Variants in MRPS6 observed in about 807,000 individuals in gnomAD.
The protein encoded by MRPS6 is small ribosomal subunit protein bS6m.
Under a neutral mutation model 13.1 loss-of-function variants are expected in MRPS6, and 6 were observed. That is an observed-to-expected ratio of 0.46 (90% CI 0.25 to 0.91). MRPS6 has a LOEUF of 0.91. MRPS6 is among the 40% of genes least tolerant of loss of function. The probability of loss-of-function intolerance (pLI) is 0.18; values close to 1 mark genes in which losing one functional copy is unlikely to be tolerated. For synonymous variants in MRPS6, 61 were observed against 56.5 expected (o/e 1.08, Z -0.36); for missense variants, 164 against 155.6 (o/e 1.05, Z -0.29).
Position 34,142,807 on chromosome 21 carries a change from C to T in MRPS6, c.*207C>T. The T allele has an allele frequency of 2.2e-6, 1 of 464,150 alleles. No individual in the cohort carries two copies. Among genetic ancestry groups the T allele is most frequent in the Non-Finnish European group, 3.6e-6 (1 of 274,016 alleles). 28.8% of individuals were successfully genotyped at this position (464,150 alleles called of 1,614,324 possible). ...GACAGCTTCTCTGTAACCTGCAGTA[C>T]CAGTGGATCGTTCTTGATTTTGTTT... On this transcript the variant is annotated 3_prime_UTR_variant, in exon 3 of 3. Coordinates refer to ENST00000399312, the MANE Select transcript of MRPS6 (RefSeq NM_032476.4).
intron 1 of MRPS6, chr21:34,099,987 A>T (rs1040535767): frequency 1.8e-6 from 1 of 561,826 alleles, no homozygotes; most frequent in Non-Finnish European, 2.3e-6. Flanking sequence ...ATGATCATAC[A>T]TGGACTGTCT....
At chr21:34,101,120 C>T in intron 1 of MRPS6, 1 of 999,964 alleles carries the variant, frequency 1.0e-6, no homozygotes, top group African/African-American at 1.7e-5. Flanking sequence ...ACAAAATTTT[C>T]CTAAGAAATC....
At chr21:34,132,978 G>T (rs62212134) in intron 2 of MRPS6, among the ~76,000 whole-genome samples, 8,391 of 152,224 alleles carry the variant, frequency 0.055, 275 homozygotes, top group Middle Eastern at 0.13. Flanking sequence ...AGGAGGCAAC[G>T]TGTAGGAAAC....
intron 1 of MRPS6, chr21:34,099,296 A>T (rs373251429): frequency 1.0e-6 from 1 of 1,000,242 alleles, no homozygotes. Flanking sequence ...GTCCAAGGTT[A>T]TGAAGTCTCT....
chr21:34,134,643 G>A (rs967084151), intron 2 of MRPS6, among the ~76,000 whole-genome samples: 7 of 151,952 alleles, frequency 4.6e-5, no homozygotes, highest in Non-Finnish European at 8.8e-5. Flanking sequence ...CTCCTCCTTC[G>A]ATTCCTTCCT....
At chr21:34,087,819 G>A (rs976411817) in intron 1 of MRPS6, among the ~76,000 whole-genome samples, 6 of 152,224 alleles carry the variant, frequency 3.9e-5, no homozygotes, top group African/African-American at 1.4e-4. Flanking sequence ...GAGATGGAAT[G>A]GTGATTTGAA....
At chr21:34,075,872 TCTAGGCTTATGAA>T (rs1427164378) in intron 1 of MRPS6, among the ~76,000 whole-genome samples, 3 of 152,202 alleles carry the variant, frequency 2.0e-5, no homozygotes. Context: ...AAAAGTTAAC[TCTAGGCTTATGAA>T]ATGAAAAATG....
intron 2 of MRPS6, among the ~76,000 whole-genome samples, chr21:34,139,008 T>TA (rs560437583): frequency 0.031 from 4,728 of 151,670 alleles, 200 homozygotes; most frequent in African/African-American, 0.093. Context: ...TATGCAGCCA[T>TA]AAAAATGATG....
intron 1 of MRPS6, among the ~76,000 whole-genome samples, chr21:34,119,232 G>A (rs1980035616): frequency 6.6e-6 from 1 of 152,142 alleles, no homozygotes; most frequent in African/African-American, 2.4e-5. Context: ...TATGTCATTA[G>A]GCAAGGCTGG....
rs1274869348 is a variant in MRPS6, at chr21:34,073,622, C to T, written c.-79C>T. On this transcript the variant is annotated 5_prime_UTR_variant, in exon 1 of 3. Coordinates refer to ENST00000399312, the MANE Select transcript of MRPS6 (RefSeq NM_032476.4). ...CGTCCGGCGCAGCAGTTTCTAGGTCCCCACTGTCCCCGCCGTCCCGCCCCT... is the reference window on the plus strand; with the variant it reads ...CGTCCGGCGCAGCAGTTTCTAGGTCTCCACTGTCCCCGCCGTCCCGCCCCT... The T allele has an allele frequency of 1.6e-5, 20 of 1,283,544 alleles. No individual in the cohort carries two copies. The highest frequency in any genetic ancestry group is 2.0e-5 in the Non-Finnish European group (19 of 927,742). The allele number at this position is 1,283,544 out of a possible 1,614,324, so 79.5% of individuals were successfully genotyped here. A position where few individuals can be genotyped will look rare whatever the true frequency, so the allele number is the denominator to read the frequency against.
At position 34,118,639 on chromosome 21, in the gene MRPS6, C is replaced by T. The variant is rs1288557124; in HGVS notation, c.46-6702C>T. Reference sequence around the variant, plus strand: ...AAGTAATTTTTGAGCCTCAGCCACCCGAGTAGTTGGGACTACAGGCATACA... The same window carrying T: ...AAGTAATTTTTGAGCCTCAGCCACCTGAGTAGTTGGGACTACAGGCATACA... On this transcript the variant is annotated intron_variant, in intron 1 of 2. Coordinates refer to ENST00000399312, the MANE Select transcript of MRPS6 (RefSeq NM_032476.4). 4.6e-5 allele frequency among the ~76,000 whole-genome samples: 7 copies of T among 151,392 alleles called. No homozygotes were observed. In the East Asian group the frequency reaches 5.8e-4, roughly 13 times the overall value.
rs1246549666 is a variant in MRPS6, at chr21:34,073,604, C to T, written c.-97C>T. The T allele has an allele frequency of 2.7e-6, 3 of 1,091,208 alleles. No individual in the cohort carries two copies. Among genetic ancestry groups the T allele is most frequent in the Non-Finnish European group, 3.9e-6 (3 of 768,784 alleles). The allele number at this position is 1,091,208 out of a possible 1,614,324, so 67.6% of individuals were successfully genotyped here. On this transcript the variant is annotated 5_prime_UTR_variant, in exon 1 of 3. Transcript: ENST00000399312. ...CTTTCGCCGCCTGGGAGCCGTCCGG[C>T]GCAGCAGTTTCTAGGTCCCCACTGT...
chr21:34,134,821 A>T (rs1052817222), intron 2 of MRPS6, among the ~76,000 whole-genome samples: 5 of 152,228 alleles, frequency 3.3e-5, no homozygotes, highest in Admixed American at 2.6e-4. Flanking sequence ...GTAAAATTAC[A>T]TGAGCTATTC....
At chr21:34,111,158 C>G (rs111744290) in intron 1 of MRPS6, among the ~76,000 whole-genome samples, 1 of 152,304 alleles carries the variant, frequency 6.6e-6, no homozygotes, top group African/African-American at 2.4e-5. Flanking sequence ...TGCATATCTA[C>G]AGATGACTGC....
chr21:34,094,494 A>T (rs1446478879), intron 1 of MRPS6, among the ~76,000 whole-genome samples: 2 of 152,230 alleles, frequency 1.3e-5, no homozygotes, highest in East Asian at 1.9e-4. Context: ...TATTACGAAT[A>T]TAATTAGTGT....
chr21:34,102,645 G>C, intron 1 of MRPS6: 1 of 1,000,096 alleles, frequency 1.0e-6, no homozygotes, highest in Non-Finnish European at 1.2e-6. Context: ...TGGTTACCTG[G>C]GTTCACAGCT....
At position 34,085,008 on chromosome 21, in the gene MRPS6, A is replaced by G. The variant is rs1328759477; in HGVS notation, c.45+11263A>G. On this transcript the variant is annotated intron_variant, in intron 1 of 2. Coordinates refer to ENST00000399312, the MANE Select transcript of MRPS6 (RefSeq NM_032476.4). ...TAAGGGCCTTCCTCCTAACCACAAC[A>G]TAGTCATCACATTCAAAACGGACAT... 2.6e-5 allele frequency among the ~76,000 whole-genome samples: 4 copies of G among 152,324 alleles called. No homozygotes were observed. The South Asian group carries it at 6.2e-4, about 24-fold the overall frequency.
chr21:34,117,867 G>A (rs1024298789), intron 1 of MRPS6, among the ~76,000 whole-genome samples: 6 of 152,022 alleles, frequency 3.9e-5, no homozygotes, highest in South Asian at 2.1e-4. Context: ...ATAAAGATGC[G>A]TGATGTTTTC....
chr21:34,095,662 G>A, intron 1 of MRPS6: 1 of 1,613,494 alleles, frequency 6.2e-7, no homozygotes, highest in Non-Finnish European at 8.5e-7. Context: ...GAGTCTTTGG[G>A]TTGGAATCTT....
Sources: allele counts gnomAD v4.1 joint callset (sites outside exome capture counted in the v4.1 genomes callset), GRCh38; gene constraint gnomAD v4.1.1; transcripts MANE v1.5; gene names NCBI Gene and HGNC (gene_info 2026-07-23, HGNC 2026-07-21).